ZBTB20: variants seen among roughly 807,000 people sequenced by gnomAD.
ZBTB20 encodes zinc finger and BTB domain containing 20.
A neutral mutation model predicts 56.9 loss-of-function variants in ZBTB20; 9 were observed. The observed-to-expected ratio is 0.16, with a 90% CI of 0.10 to 0.28. The LOEUF is 0.28. Among genes scored for constraint, ZBTB20 ranks in the 10% least tolerant of loss-of-function variants. ZBTB20 has a pLI of 1.00. For synonymous variants in ZBTB20, 417 were observed against 420.7 expected (o/e 0.99, Z 0.11); for missense variants, 655 against 1,003.0 (o/e 0.65, Z 4.69).
In ZBTB20 at chr3:115,006,440, T is replaced by C. The variant is rs2108238786; in HGVS notation, c.-506-32024A>G. ...ATGTGCTCATATTAATTAAATATAG[T>C]CATAAAATTTATCCAGTTGGATATA... On this transcript the variant is annotated intron_variant, in intron 2 of 11. Coordinates refer to ENST00000675478, the MANE Select transcript of ZBTB20 (RefSeq NM_001348800.3). Among the ~76,000 whole-genome samples the C allele has an allele frequency of 1.3e-5, 2 of 150,816 alleles. 1 individual carries two copies. The highest frequency in any genetic ancestry group is 4.2e-4 in the South Asian group (2 of 4,784).
intron 2 of ZBTB20, among the ~76,000 whole-genome samples, chr3:115,042,208 G>A (rs76734290): frequency 4.5e-4 from 69 of 152,276 alleles, no homozygotes; most frequent in Non-Finnish European, 8.5e-4. Context: ...GAGCTGATAG[G>A]AGCATTCTCT....
At chr3:114,447,296 G>A (rs1213109689) in intron 7 of ZBTB20, among the ~76,000 whole-genome samples, 1 of 152,162 alleles carries the variant, frequency 6.6e-6, no homozygotes, top group African/African-American at 2.4e-5. Flanking sequence ...CTGCATTACA[G>A]TATTAAGATG....
At chr3:114,545,755 T>G (rs2049804325) in intron 6 of ZBTB20, among the ~76,000 whole-genome samples, 1 of 152,196 alleles carries the variant, frequency 6.6e-6, no homozygotes, top group South Asian at 2.1e-4. Flanking sequence ...AAATCTTAGA[T>G]CTGAACCATC....
At chr3:115,013,537 T>C (rs2079811186) in intron 2 of ZBTB20, among the ~76,000 whole-genome samples, 1 of 151,626 alleles carries the variant, frequency 6.6e-6, no homozygotes, top group Admixed American at 6.6e-5. Flanking sequence ...AAAACCATAA[T>C]AGGAAGTCTC....
chr3:115,042,618 T>C (rs1314979425), intron 2 of ZBTB20, among the ~76,000 whole-genome samples: 1 of 152,224 alleles, frequency 6.6e-6, no homozygotes, highest in Admixed American at 6.5e-5. Flanking sequence ...TAGTTTTCGT[T>C]TGACTTTGAA....
At position 114,775,673 on chromosome 3, in the gene ZBTB20, C is replaced by T. The variant is rs16823219; in HGVS notation, c.-343+25428G>A. Among the ~76,000 whole-genome samples, 8 of 152,068 alleles carry T rather than the reference C, an allele frequency of 5.3e-5. No homozygotes were observed. The East Asian group carries it at 5.8e-4, about 11-fold the overall frequency. ...AATTTATTTCTTCCAGATGTTTTCC[C>T]GACAGCCACCTTTCTGCAATGTCCC... On this transcript the variant is annotated intron_variant, in intron 5 of 11. Coordinates refer to ENST00000675478, the MANE Select transcript of ZBTB20 (RefSeq NM_001348800.3).
chr3:114,761,190 A>C (rs1480098516), intron 5 of ZBTB20, among the ~76,000 whole-genome samples: 1 of 152,194 alleles, frequency 6.6e-6, no homozygotes, highest in African/African-American at 2.4e-5. Context: ...TTAAATATGT[A>C]TGTATTGAGC....
chr3:114,741,321 G>A (rs2066554913), intron 5 of ZBTB20, among the ~76,000 whole-genome samples: 1 of 152,270 alleles, frequency 6.6e-6, no homozygotes, highest in Non-Finnish European at 1.5e-5. Context: ...TGTGCTGTGA[G>A]ATGAGTCAAG....
intron 2 of ZBTB20, among the ~76,000 whole-genome samples, chr3:115,017,272 C>T (rs2080007922): frequency 6.6e-6 from 1 of 151,510 alleles, no homozygotes; most frequent in Non-Finnish European, 1.5e-5. Context: ...AATGAACTCC[C>T]ATTCACAACT....
intron 5 of ZBTB20, among the ~76,000 whole-genome samples, chr3:114,752,597 C>A (rs1297136030): frequency 6.6e-6 from 1 of 152,124 alleles, no homozygotes; most frequent in East Asian, 1.9e-4. Flanking sequence ...TCAACATGGG[C>A]ACATTACTTA....
At chr3:114,908,876 G>T (rs1049273236) in intron 3 of ZBTB20, among the ~76,000 whole-genome samples, 1 of 151,290 alleles carries the variant, frequency 6.6e-6, no homozygotes, top group Non-Finnish European at 1.5e-5. Context: ...ATAATTCCAA[G>T]GAATTTACCT....
chr3:114,882,626 C>A (rs1033406355), intron 4 of ZBTB20, among the ~76,000 whole-genome samples: 1 of 151,672 alleles, frequency 6.6e-6, no homozygotes, highest in Non-Finnish European at 1.5e-5. Flanking sequence ...ATATAATATA[C>A]CAAAATATAA....
At chr3:114,627,566 A>G (rs1294015544) in intron 6 of ZBTB20, among the ~76,000 whole-genome samples, 1 of 152,176 alleles carries the variant, frequency 6.6e-6, no homozygotes, top group African/African-American at 2.4e-5. Flanking sequence ...TGTAAATGAC[A>G]AGGTTCAATA....
At chr3:114,856,542 A>C (rs1049932353) in intron 4 of ZBTB20, among the ~76,000 whole-genome samples, 9 of 152,078 alleles carry the variant, frequency 5.9e-5, no homozygotes, top group Non-Finnish European at 8.8e-5. Context: ...ATCAAAAAAA[A>C]CTAATAAAAA....
chr3:114,950,813 G>A (rs1418395386), intron 3 of ZBTB20, among the ~76,000 whole-genome samples: 1 of 152,066 alleles, frequency 6.6e-6, no homozygotes. Context: ...TAATAGAATT[G>A]TGATTATATT....
intron 1 of ZBTB20, among the ~76,000 whole-genome samples, chr3:115,110,055 C>CA (rs1038071686): frequency 3.3e-5 from 5 of 151,850 alleles, no homozygotes; most frequent in Non-Finnish European, 7.4e-5. Context: ...ACTAAAAATA[C>CA]AAAAAAATTA....
Position 114,365,957 on chromosome 3 carries a change from C to T in ZBTB20, c.200-14079G>A, listed in dbSNP as rs2082354956. Among the ~76,000 whole-genome samples, 8 of 152,204 alleles carry T rather than the reference C, an allele frequency of 5.3e-5. No individual in the cohort carries two copies. In the South Asian group the frequency reaches 1.7e-3, roughly 32 times the overall value. ...AAATAATCGGGTAAAAAATTAGTAC[C>T]TATATTTTCACAAATGGGCATAATG... On this transcript the variant is annotated intron_variant, in intron 10 of 11. Coordinates refer to ENST00000675478, the MANE Select transcript of ZBTB20 (RefSeq NM_001348800.3).
At chr3:114,851,754 G>A (rs1436060912) in intron 4 of ZBTB20, among the ~76,000 whole-genome samples, 1 of 151,790 alleles carries the variant, frequency 6.6e-6, no homozygotes, top group Non-Finnish European at 1.5e-5. Context: ...TGAGATGAAT[G>A]GTAATACGTT....
At chr3:114,677,668 T>G (rs956485539) in intron 6 of ZBTB20, among the ~76,000 whole-genome samples, 2 of 152,166 alleles carry the variant, frequency 1.3e-5, no homozygotes, top group African/African-American at 4.8e-5. Context: ...TTCTGTTAAC[T>G]ATTGAAAAGA....
Sources: gnomAD v4.1 joint callset for allele counts (sites outside exome capture counted in the v4.1 genomes callset) on GRCh38, gnomAD v4.1.1 for gene constraint, MANE v1.5 for transcripts, NCBI Gene and HGNC (gene_info 2026-07-23, HGNC 2026-07-21) for gene names.